The following HADHB variants were observed in gnomAD, a reference collection of about 807,000 sequenced individuals.
The protein encoded by HADHB is hydroxyacyl-CoA dehydrogenase trifunctional multienzyme complex subunit beta.
In HADHB, 50 loss-of-function variants were observed where a neutral mutation model predicts 61.9. That is an observed-to-expected ratio of 0.81 (90% CI 0.64 to 1.02). HADHB has a LOEUF of 1.02. Among genes scored for constraint, HADHB ranks in the 50% least tolerant of loss-of-function variants. The pLI is 0.00. For missense variants in HADHB, 504 were observed against 586.5 expected, an observed-to-expected ratio of 0.86 and a Z score of 1.45; for synonymous variants, 191 against 201.6, an observed-to-expected ratio of 0.95 and a Z score of 0.45.
At chr2:26,248,071 A>C (rs187095824) in intron 1 of HADHB, among the ~76,000 whole-genome samples, 1 of 152,272 alleles carries the variant, frequency 6.6e-6, no homozygotes, top group African/African-American at 2.4e-5. Flanking sequence ...TCTTTCTGTC[A>C]CAAAATGGTT....
chr2:26,282,886 G>T lies in HADHB; in HGVS notation c.975G>T (p.Lys325Asn), dbSNP rs780932099. The T allele has an allele frequency of 6.2e-7, 1 of 1,613,236 alleles. No individual in the cohort carries two copies. Among genetic ancestry groups the T allele is most frequent in the South Asian group, 1.1e-5 (1 of 91,056 alleles). The change falls in exon 11 of 16, where the codon AAG becomes AAT. Residue 325 changes from lysine (K) to asparagine (N), a missense_variant. By Grantham distance (94) the Lys-to-Asn change is moderately conservative (BLOSUM62 0). Transcript: ENST00000317799. Reference protein sequence around the residue: ...ASAMLIMAEEKALAMGYKPKA... With the variant: ...ASAMLIMAEENALAMGYKPKA... ...CAATGTTAATCATGGCGGAGGAAAA[G>T]GCTCTGGCCATGGGTTATAAGCCGA...
In HADHB at chr2:26,289,943, A is replaced by C; in HGVS notation, c.1415A>C (p.Tyr472Ser). The C allele has an allele frequency of 6.2e-7, 1 of 1,607,654 alleles. No individual in the cohort carries two copies. Among genetic ancestry groups the C allele is most frequent in the Non-Finnish European group, 8.5e-7 (1 of 1,174,158 alleles). Residue 472 changes from tyrosine to serine, a missense_variant, in exon 16 of 16, where the codon TAT (tyrosine) becomes TCT (serine). Transcript: ENST00000317799. The part of the protein sequence containing the change: ...GQGHAMIVEA[Y>S]PK Reference sequence around the variant, plus strand: ...GGCCATGCTATGATAGTGGAAGCTTATCCAAAATAATAGATCCAGAAGAAG... The same window carrying C: ...GGCCATGCTATGATAGTGGAAGCTTCTCCAAAATAATAGATCCAGAAGAAG...
chr2:26,261,907 G>A, intron 3 of HADHB, among the ~76,000 whole-genome samples: 1 of 151,458 alleles, frequency 6.6e-6, no homozygotes, highest in East Asian at 1.9e-4. Flanking sequence ...ATATCTGATT[G>A]GTTGCCAACA....
At chr2:26,256,282 G>A (rs1671603710) in intron 3 of HADHB, among the ~76,000 whole-genome samples, 1 of 152,086 alleles carries the variant, frequency 6.6e-6, no homozygotes, top group South Asian at 2.1e-4. Flanking sequence ...TTAGGTTGCA[G>A]TAATTTTTTT....
At chr2:26,247,109 C>T (rs1671198525) in intron 1 of HADHB, among the ~76,000 whole-genome samples, 2 of 152,142 alleles carry the variant, frequency 1.3e-5, no homozygotes, top group Non-Finnish European at 2.9e-5. Context: ...TAGAGCCACC[C>T]CATCTTGCTT....
Position 26,284,118 on chromosome 2 carries a change from C to T in HADHB, c.1063C>T (p.Pro355Ser). ...ATATTACTTATTTTTTCTTTGCAGA[C>T]CAACATATGCTACTCCAAAAGTTCT... ...QDPKDQLLLG[P>S]TYATPKVLEK... is the part of the protein sequence containing the mutation. Residue 355 changes from proline (P) to serine (S), a missense_variant and splice_region_variant, in exon 13 of 16, where the codon CCA (proline) becomes TCA (serine). Physicochemically the swap from Pro to Ser is moderately conservative, Grantham distance 74 (BLOSUM62 -1). Transcript: ENST00000317799. The T allele has an allele frequency of 6.4e-7, 1 of 1,554,770 alleles. No homozygotes were observed.
intron 12 of HADHB, 79 bp downstream of exon 12, chr2:26,283,130 A>T (rs1015770109): frequency 1.1e-6 from 1 of 899,410 alleles, no homozygotes; most frequent in Admixed American, 1.7e-5. Flanking sequence ...TTAATAAATG[A>T]TTAACACTGG....
chr2:26,278,562 G>T, intron 7 of HADHB, 52 bp from the exon 8 acceptor site: 1 of 1,398,792 alleles, frequency 7.1e-7, no homozygotes, highest in Non-Finnish European at 1.0e-6. Context: ...AATTGGAATG[G>T]TATGTTATTT....
At chr2:26,284,638 T>A (rs908862599) in intron 13 of HADHB, among the ~76,000 whole-genome samples, 3 of 151,984 alleles carry the variant, frequency 2.0e-5, no homozygotes, top group Admixed American at 1.3e-4. Flanking sequence ...TAATTTTTTT[T>A]ATATTTTTAA....
rs1478976137 is a variant in HADHB, at chr2:26,254,302, A to G, written c.48A>G (p.Lys16=). The G allele has an allele frequency of 2.6e-6, 4 of 1,537,688 alleles. No individual in the cohort carries two copies. The highest frequency in any genetic ancestry group is 2.7e-5 in the African/African-American group (2 of 73,480). Residue 16 remains lysine, a synonymous_variant, in exon 2 of 16, where the codon AAA becomes AAG. Coordinates refer to ENST00000317799, the MANE Select transcript of HADHB (RefSeq NM_000183.3). ...YPFKNLPTAS[K]WALRFSIRPL... ...TTAAAAATCTTCCCACTGCATCAAAATGGGCCCTCAGATTTTGTAAGTTTA... is the reference window on the plus strand; with the variant it reads ...TTAAAAATCTTCCCACTGCATCAAAGTGGGCCCTCAGATTTTGTAAGTTTA...
At chr2:26,270,024 T>C in intron 5 of HADHB, 27 bp downstream of exon 5, 1 of 1,499,036 alleles carries the variant, frequency 6.7e-7, no homozygotes, top group South Asian at 1.1e-5. Context: ...TCATTTCCGT[T>C]CTTATTTCAT....
Position 26,269,227 on chromosome 2 carries a change from G to T in HADHB, c.210-726G>T, listed in dbSNP as rs185902476. Among the ~76,000 whole-genome samples the T allele has an allele frequency of 1.5e-3, 230 of 151,952 alleles. 1 individual carries two copies. The highest frequency in any genetic ancestry group is 4.9e-4 in the Non-Finnish European group (33 of 67,976). On this transcript the variant is annotated intron_variant, in intron 4 of 15. Coordinates refer to ENST00000317799, the MANE Select transcript of HADHB (RefSeq NM_000183.3). ...AATTCTTATTTATGTATTTACACAGGGTCTTGCTCTGCTGCCCAGACTGGA... is the reference window on the plus strand; with the variant it reads ...AATTCTTATTTATGTATTTACACAGTGTCTTGCTCTGCTGCCCAGACTGGA...
intron 6 of HADHB, among the ~76,000 whole-genome samples, chr2:26,274,881 A>T (rs372835410): frequency 3.3e-5 from 5 of 152,306 alleles, no homozygotes; most frequent in South Asian, 4.1e-4. Flanking sequence ...AAAAAATAAA[A>T]AAATAAATAA....
At chr2:26,254,750 GTTTA>G (rs1224455203) in intron 3 of HADHB, 26 of 413,542 alleles carry the variant, frequency 6.3e-5, no homozygotes, top group Middle Eastern at 7.4e-4. Context: ...TCGTTGGTCA[GTTTA>G]TTTATCCTCT....
chr2:26,288,294 AAAAT>A (rs1558363934), intron 15 of HADHB, among the ~76,000 whole-genome samples: 1 of 152,046 alleles, frequency 6.6e-6, no homozygotes, highest in South Asian at 2.1e-4. Context: ...AAATAAATAA[AAAAT>A]AAAATAAGCA....
At position 26,282,849 on chromosome 2, in the gene HADHB, A is replaced by C; in HGVS notation, c.938A>C (p.Asp313Ala). Residue 313 changes from aspartate (D) to alanine (A), a missense_variant, in exon 11 of 16, where the codon GAT becomes GCT. By Grantham distance (126) the Asp-to-Ala change is moderately radical. Transcript: ENST00000317799. ...VTAANSSFLTDGASAMLIMAE... is the reference protein window; with the variant it reads ...VTAANSSFLTAGASAMLIMAE... ...TTGTGCTGGTTAACATTTCAGACTGATGGTGCATCTGCAATGTTAATCATG... is the reference window on the plus strand; with the variant it reads ...TTGTGCTGGTTAACATTTCAGACTGCTGGTGCATCTGCAATGTTAATCATG... 1 of 1,609,962 alleles carries C rather than the reference A, an allele frequency of 6.2e-7. No homozygotes were observed. Among genetic ancestry groups the C allele is most frequent in the Non-Finnish European group, 8.5e-7 (1 of 1,176,830 alleles).
In HADHB at chr2:26,281,586, G is replaced by A. The variant is rs147875954; in HGVS notation, c.934-1259G>A. On this transcript the variant is annotated intron_variant, in intron 10 of 15. Transcript: ENST00000317799. ...TTTCCAGGGTATGCTAAAGGTCCAG[G>A]TTTATTTAGTGAGAATCAGAGACAC... Among the ~76,000 whole-genome samples the A allele has an allele frequency of 1.5e-3, 235 of 152,292 alleles. No individual in the cohort carries two copies. In the Middle Eastern group the frequency reaches 0.017, roughly 11 times the overall value.
intron 3 of HADHB, among the ~76,000 whole-genome samples, chr2:26,260,081 G>GGTTTTTTTTTTTTTTTTTT (rs965472525): frequency 7.5e-6 from 1 of 133,568 alleles, no homozygotes; most frequent in African/African-American, 2.7e-5. Context: ...GTTTTTTCTG[G>GGTTTTTTTTTTTTTTTTTT]TTTTTTTTTT....
At chr2:26,267,388 C>T (rs191081048) in intron 4 of HADHB, among the ~76,000 whole-genome samples, 80 of 152,140 alleles carry the variant, frequency 5.3e-4, no homozygotes, top group African/African-American at 1.8e-3. Context: ...CAGGTCTGAC[C>T]TGCAGGAGCT....
Sources: gnomAD v4.1 joint callset for allele counts (sites outside exome capture counted in the v4.1 genomes callset) on GRCh38, gnomAD v4.1.1 for gene constraint, MANE v1.5 for transcripts, NCBI Gene and HGNC (gene_info 2026-07-23, HGNC 2026-07-21) for gene names.